The following MAGI1 variants were observed in gnomAD, a reference collection of about 807,000 sequenced individuals.
MAGI1 encodes the protein membrane-associated guanylate kinase, WW and PDZ domain-containing protein 1.
MAGI1 carries 58 observed loss-of-function variants against 139.9 expected under a neutral mutation model. That is an observed-to-expected ratio of 0.41 (90% CI 0.34 to 0.52). The LOEUF (loss-of-function observed/expected upper bound fraction) is 0.52. MAGI1 is among the 20% of genes least tolerant of loss of function. The pLI is 0.12. For synonymous variants in MAGI1, 812 were observed against 737.9 expected, an observed-to-expected ratio of 1.10 and a Z score of -1.63; for missense variants, 1,874 against 1,901.6, an observed-to-expected ratio of 0.99 and a Z score of 0.27.
intron 1 of MAGI1, among the ~76,000 whole-genome samples, chr3:65,880,550 G>A (rs543519619): frequency 6.6e-6 from 1 of 152,208 alleles, no homozygotes; most frequent in East Asian, 1.9e-4. Flanking sequence ...ACTGCTGACT[G>A]GTCCCAAAAC....
At chr3:65,730,308 G>A (rs1333615687) in intron 1 of MAGI1, among the ~76,000 whole-genome samples, 1 of 152,096 alleles carries the variant, frequency 6.6e-6, no homozygotes, top group Non-Finnish European at 1.5e-5. Context: ...AAAAAAAATG[G>A]CTTCCACCAT....
intron 18 of MAGI1, among the ~76,000 whole-genome samples, chr3:65,366,028 G>A (rs1266741555): frequency 6.6e-6 from 1 of 152,074 alleles, no homozygotes; most frequent in Non-Finnish European, 1.5e-5. Context: ...GACACATAGT[G>A]GTTAAAAGCA....
In MAGI1 at chr3:65,672,862, C is replaced by G. The variant is rs1297105327; in HGVS notation, c.314-50774G>C. Among the ~76,000 whole-genome samples, 5 of 152,124 alleles carry G rather than the reference C, an allele frequency of 3.3e-5. No individual in the cohort carries two copies. The South Asian group carries it at 8.3e-4, about 25-fold the overall frequency. On this transcript the variant is annotated intron_variant, in intron 1 of 22. Coordinates refer to ENST00000402939, the MANE Select transcript of MAGI1 (RefSeq NM_001033057.2). ...ATTAAAGTGTTAAAAGAAATTATTT[C>G]AATTCTTTATGAGTATAAAATTATA...
At chr3:65,496,309 T>C (rs1952445604) in intron 2 of MAGI1, among the ~76,000 whole-genome samples, 1 of 151,932 alleles carries the variant, frequency 6.6e-6, no homozygotes, top group African/African-American at 2.4e-5. Flanking sequence ...TCCAAATTAC[T>C]TGGATTACAG....
At chr3:65,391,714 C>A (rs2106996448) in intron 13 of MAGI1, among the ~76,000 whole-genome samples, 1 of 152,212 alleles carries the variant, frequency 6.6e-6, no homozygotes, top group East Asian at 1.9e-4. Flanking sequence ...TATGTGACAC[C>A]AAATACCATG....
chr3:66,017,406 C>T (rs990655977), intron 1 of MAGI1, among the ~76,000 whole-genome samples: 11 of 152,228 alleles, frequency 7.2e-5, no homozygotes, highest in Non-Finnish European at 1.5e-4. Flanking sequence ...TGCCTGGCCT[C>T]AGCTTTCTTC....
intron 2 of MAGI1, among the ~76,000 whole-genome samples, chr3:65,530,822 C>A (rs1259199534): frequency 9.3e-5 from 4 of 43,148 alleles, no homozygotes; most frequent in African/African-American, 1.9e-4. Context: ...TATATATACA[C>A]GTATATATAT....
rs1559509013 is a variant in MAGI1, at chr3:65,379,371, A to ACCACGCCGCTGC, written c.2873_2884dup (p.Gly958_Val961dup). 6 of 1,612,604 alleles carry ACCACGCCGCTGC rather than the reference A, an allele frequency of 3.7e-6. No individual in the cohort carries two copies. The highest frequency in any genetic ancestry group is 5.1e-6 in the Non-Finnish European group (6 of 1,179,228). On this transcript the variant is annotated inframe_insertion, in exon 17 of 23. Transcript: ENST00000402939. ...GTCGTAGGGCTGCACCACGGTGCTG[A>ACCACGCCGCTGC]CCACGCCGCTGCCCCCGCCGCCGCC...
At chr3:65,723,656 G>A (rs1419367505) in intron 1 of MAGI1, among the ~76,000 whole-genome samples, 1 of 152,202 alleles carries the variant, frequency 6.6e-6, no homozygotes, top group Non-Finnish European at 1.5e-5. Flanking sequence ...AATAAACTGG[G>A]ATCTGTGTTT....
intron 1 of MAGI1, among the ~76,000 whole-genome samples, chr3:65,699,475 C>G (rs1414961671): frequency 7.2e-6 from 1 of 139,800 alleles, no homozygotes; most frequent in South Asian, 2.3e-4. Context: ...TTGGAACCAA[C>G]CCAAATGTCC....
At chr3:66,009,323 A>T (rs995530356) in intron 1 of MAGI1, 3 of 152,010 alleles carry the variant, frequency 2.0e-5, no homozygotes, top group African/African-American at 7.2e-5. Context: ...AAGCCTGGCC[A>T]ATACAGAGAA....
At chr3:65,656,293 T>C (rs554489700) in intron 1 of MAGI1, among the ~76,000 whole-genome samples, 1 of 152,314 alleles carries the variant, frequency 6.6e-6, no homozygotes, top group East Asian at 1.9e-4. Context: ...TGCAGTTTAC[T>C]GTCTCTTAAG....
chr3:65,935,679 G>T (rs2063017846), intron 1 of MAGI1, among the ~76,000 whole-genome samples: 1 of 152,216 alleles, frequency 6.6e-6, no homozygotes, highest in Non-Finnish European at 1.5e-5. Flanking sequence ...TGGCCTGGAA[G>T]TTGCTTTGAC....
chr3:65,406,684 TAAAAACTG>T (rs71102852), intron 12 of MAGI1, among the ~76,000 whole-genome samples: 45,615 of 151,492 alleles, frequency 0.3, 7,687 homozygotes, highest in South Asian at 0.44. Flanking sequence ...AATGTTGCAA[TAAAAACTG>T]AAAAACTGTC....
chr3:65,777,642 C>CAA (rs11415226), intron 1 of MAGI1, among the ~76,000 whole-genome samples: 18,861 of 116,926 alleles, frequency 0.16, 1,831 homozygotes, highest in South Asian at 0.38. Context: ...ACTCTTATCA[C>CAA]AAAAAAAAAA....
chr3:65,739,998 TAA>T (rs11291014), intron 1 of MAGI1, among the ~76,000 whole-genome samples: 22 of 151,142 alleles, frequency 1.5e-4, no homozygotes, highest in Admixed American at 6.6e-5. Flanking sequence ...CTTCAAGTTG[TAA>T]AAAAAAAAAT....
chr3:65,709,111 A>G (rs948437101), intron 1 of MAGI1, among the ~76,000 whole-genome samples: 9 of 152,246 alleles, frequency 5.9e-5, no homozygotes, highest in Non-Finnish European at 1.2e-4. Flanking sequence ...ATTTTCAAGT[A>G]AACATGAATA....
chr3:65,591,153 T>A (rs547988247), intron 2 of MAGI1, among the ~76,000 whole-genome samples: 1 of 152,228 alleles, frequency 6.6e-6, no homozygotes, highest in South Asian at 2.1e-4. Context: ...AACTCCACCA[T>A]CTACAACCAC....
chr3:66,018,933 C>G (rs76779663), intron 1 of MAGI1, among the ~76,000 whole-genome samples: 8 of 151,694 alleles, frequency 5.3e-5, no homozygotes, highest in Non-Finnish European at 1.2e-4. Flanking sequence ...GGTAAATTCT[C>G]GTATCTTCCC....
Sources: allele counts gnomAD v4.1 joint callset (sites outside exome capture counted in the v4.1 genomes callset), GRCh38; gene constraint gnomAD v4.1.1; transcripts MANE v1.5; gene names NCBI Gene and HGNC (gene_info 2026-07-23, HGNC 2026-07-21).